The following GNG2 variants were observed in gnomAD, a reference collection of about 807,000 sequenced individuals.
GNG2 encodes guanine nucleotide-binding protein G(I)/G(S)/G(O) subunit gamma-2.
Under a neutral mutation model 5.5 loss-of-function variants are expected in GNG2, and 5 were observed. The observed-to-expected ratio is 0.91, with a 90% CI of 0.48 to 1.92. The LOEUF (loss-of-function observed/expected upper bound fraction) is 1.92, where lower values mean the gene tolerates loss of function less well. Among genes scored for constraint, GNG2 ranks in the 30% most tolerant of loss-of-function variants. The pLI is 0.01. For missense variants in GNG2, 55 were observed against 88.4 expected (o/e 0.62, Z 1.52); for synonymous variants, 28 against 32.0 (o/e 0.88, Z 0.42).
intron 2 of GNG2, among the ~76,000 whole-genome samples, chr14:51,887,309 A>G (rs1257597745): frequency 2.0e-5 from 3 of 152,186 alleles, no homozygotes; most frequent in Non-Finnish European, 2.9e-5. Flanking sequence ...TATTATCCCA[A>G]AGAAATGTAA....
chr14:51,854,457 A>G (rs2140091754), intron 2 of GNG2, among the ~76,000 whole-genome samples: 1 of 152,076 alleles, frequency 6.6e-6, no homozygotes, highest in South Asian at 2.1e-4. Context: ...TCTGGGCACA[A>G]CTGTTGGTAT....
intron 2 of GNG2, among the ~76,000 whole-genome samples, chr14:51,883,803 A>G (rs558572302): frequency 1.7e-4 from 26 of 152,142 alleles, no homozygotes; most frequent in Non-Finnish European, 3.1e-4. Flanking sequence ...GTTATATACT[A>G]TAACTGCTAT....
chr14:51,852,828 T>C (rs1474838250), intron 2 of GNG2, among the ~76,000 whole-genome samples: 3 of 152,268 alleles, frequency 2.0e-5, no homozygotes, highest in African/African-American at 7.2e-5. Flanking sequence ...CCTTCAGAGT[T>C]CACAGATTTG....
At position 51,969,260 on chromosome 14, in the gene GNG2, T is replaced by G. The variant is rs1890093205; in HGVS notation, c.*2573T>G. On this transcript the variant is annotated 3_prime_UTR_variant, in exon 4 of 4. Coordinates refer to ENST00000556766, the MANE Select transcript of GNG2 (RefSeq NM_053064.5). ...TAACTAATAAGTAGTAACAATAAAC[T>G]TCATATTTAGAATGCAAAGTCTATA... 6.6e-6 allele frequency: 1 copy of G among 152,172 alleles called. No individual in the cohort carries two copies. The highest frequency in any genetic ancestry group is 2.4e-5 in the African/African-American group (1 of 41,440). 9.4% of individuals were successfully genotyped at this position (152,172 alleles called of 1,614,324 possible). A position where few individuals can be genotyped will look rare whatever the true frequency, so the allele number is the denominator to read the frequency against.
intron 1 of GNG2, among the ~76,000 whole-genome samples, chr14:51,863,147 A>G (rs1345016895): frequency 6.6e-6 from 1 of 152,330 alleles, no homozygotes; most frequent in East Asian, 1.9e-4. Flanking sequence ...TTTTAAGTCT[A>G]AAAGCTGTAT....
intron 2 of GNG2, among the ~76,000 whole-genome samples, chr14:51,847,706 G>A (rs569591293): frequency 4.3e-4 from 65 of 152,140 alleles, no homozygotes; most frequent in Non-Finnish European, 7.6e-4. Flanking sequence ...ACCCTCAGAA[G>A]GCCTTAGCTC....
At chr14:51,827,522 A>C in intron 1 of GNG2, 4 of 565,552 alleles carry the variant, frequency 7.1e-6, no homozygotes, top group Non-Finnish European at 1.2e-5. Flanking sequence ...CTGAGAACAG[A>C]TGTAGTGAGA....
intron 2 of GNG2, among the ~76,000 whole-genome samples, chr14:51,940,604 C>T (rs137939832): frequency 2.9e-3 from 439 of 152,316 alleles, no homozygotes; most frequent in Middle Eastern, 0.014. Context: ...TGTTGAAAGA[C>T]ATGATTGGGA....
intron 2 of GNG2, among the ~76,000 whole-genome samples, chr14:51,835,174 A>T (rs1881297389): frequency 6.6e-6 from 1 of 152,218 alleles, no homozygotes; most frequent in South Asian, 2.1e-4. Context: ...TGAGGTGAAG[A>T]GTGAAGCTGA....
chr14:51,943,321 G>A (rs543382411), intron 2 of GNG2, among the ~76,000 whole-genome samples: 4 of 152,204 alleles, frequency 2.6e-5, no homozygotes, highest in African/African-American at 9.6e-5. Flanking sequence ...GATTTTCTCA[G>A]CATATTTGTT....
chr14:51,966,232 A>AAAC (rs1889901987), intron 3 of GNG2, among the ~76,000 whole-genome samples: 1 of 79,814 alleles, frequency 1.3e-5, no homozygotes, highest in African/African-American at 3.7e-5. Context: ...AAAAAAAAAA[A>AAAC]AAAAACAAAT....
intron 2 of GNG2, among the ~76,000 whole-genome samples, chr14:51,915,324 A>C (rs920043146): frequency 6.6e-6 from 1 of 152,234 alleles, no homozygotes; most frequent in African/African-American, 2.4e-5. Context: ...CCTCTGCTAC[A>C]TTATGAGGGA....
chr14:51,956,499 T>C (rs1199406998), intron 3 of GNG2, among the ~76,000 whole-genome samples: 1 of 152,182 alleles, frequency 6.6e-6, no homozygotes, highest in Non-Finnish European at 1.5e-5. Flanking sequence ...CCTACACATC[T>C]GGTATCATAA....
chr14:51,955,778 T>A (rs534617535), intron 3 of GNG2, among the ~76,000 whole-genome samples: 5 of 152,358 alleles, frequency 3.3e-5, no homozygotes, highest in African/African-American at 1.2e-4. Context: ...ATATCTAGCA[T>A]TTATAGTGTG....
At chr14:51,949,159 T>C (rs1314829549) in intron 2 of GNG2, among the ~76,000 whole-genome samples, 1 of 151,934 alleles carries the variant, frequency 6.6e-6, no homozygotes, top group Admixed American at 6.6e-5. Context: ...AGGGAACAAT[T>C]AATTATGCTC....
intron 3 of GNG2, among the ~76,000 whole-genome samples, chr14:51,958,089 T>G (rs538753507): frequency 6.6e-6 from 1 of 152,320 alleles, no homozygotes; most frequent in South Asian, 2.1e-4. Context: ...CCTCTTTTAT[T>G]CAGTGGTGTA....
intron 2 of GNG2, among the ~76,000 whole-genome samples, chr14:51,898,995 A>G (rs1020765806): frequency 9.2e-5 from 14 of 152,170 alleles, no homozygotes; most frequent in African/African-American, 3.4e-4. Flanking sequence ...CAGCTGTGAG[A>G]AGATCTCTGT....
At chr14:51,879,673 T>C (rs1883912123) in intron 2 of GNG2, among the ~76,000 whole-genome samples, 1 of 152,242 alleles carries the variant, frequency 6.6e-6, no homozygotes, top group African/African-American at 2.4e-5. Context: ...GCCAGTAGCA[T>C]TGCCTCTCCA....
intron 2 of GNG2, among the ~76,000 whole-genome samples, chr14:51,850,022 TC>T (rs1255091570): frequency 8.5e-5 from 13 of 152,216 alleles, no homozygotes; most frequent in African/African-American, 3.1e-4. Flanking sequence ...AATATCCCCA[TC>T]CTTTTTAAAC....
Sources: allele counts gnomAD v4.1 joint callset (sites outside exome capture counted in the v4.1 genomes callset), GRCh38; gene constraint gnomAD v4.1.1; transcripts MANE v1.5; gene names NCBI Gene and HGNC (gene_info 2026-07-23, HGNC 2026-07-21).